The following TRAPPC8 variants were observed in gnomAD, a reference collection of about 807,000 sequenced individuals.
TRAPPC8 encodes trafficking protein particle complex subunit 8.
Under a neutral mutation model 174.3 loss-of-function variants are expected in TRAPPC8, and 54 were observed. The observed-to-expected ratio is 0.31, with a 90% CI of 0.25 to 0.39. The LOEUF (loss-of-function observed/expected upper bound fraction) is 0.39. Ranked by LOEUF, TRAPPC8 falls within the 10% of genes least tolerant of loss-of-function variation. The pLI is 1.00. For synonymous variants in TRAPPC8, 630 were observed against 579.9 expected (o/e 1.09, Z -1.24); for missense variants, 1,531 against 1,699.1 (o/e 0.90, Z 1.74).
chr18:31,916,280 A>C lies in TRAPPC8; in HGVS notation c.609T>G (p.Asp203Glu). The change falls in exon 4 of 29, where the codon GAT (aspartate) becomes GAG (glutamate). Residue 203 changes from aspartate to glutamate, a missense_variant. Asp to Glu is a conservative substitution (Grantham distance 45, BLOSUM62 2). Coordinates refer to ENST00000283351, the MANE Select transcript of TRAPPC8 (RefSeq NM_014939.5). ...CTAAAATAAAAACTTACCTCTGTTC[A>C]TCTCCTGCACTTACATCATGTAAAA... is the stretch of plus-strand genomic sequence containing the variant. ...YVLLHDVSAG[D>E]EQRAESIYEE... 1 of 1,517,516 alleles carries C rather than the reference A, an allele frequency of 6.6e-7. No homozygotes were observed. The highest frequency in any genetic ancestry group is 8.8e-7 in the Non-Finnish European group (1 of 1,135,536). The allele number at this position is 1,517,516 out of a possible 1,614,324, so 94.0% of individuals were successfully genotyped here.
In TRAPPC8 at chr18:31,903,121, C is replaced by CGTGTGT. The variant is rs3837889; in HGVS notation, c.1390-2102_1390-2097dup. Among the ~76,000 whole-genome samples, 587 of 149,094 alleles carry CGTGTGT rather than the reference C, an allele frequency of 3.9e-3. 18 individuals carry two copies. The East Asian group carries it at 0.074, about 19-fold the overall frequency. On this transcript the variant is annotated intron_variant, in intron 9 of 28. Coordinates refer to ENST00000283351, the MANE Select transcript of TRAPPC8 (RefSeq NM_014939.5). ...TTTTGATTGCGCGCGTGCGTGCGTG[C>CGTGTGT]GTGTGTGTGTGTGTGTGTGTGTTTT...
chr18:31,905,507 T>A (rs1598715049), intron 9 of TRAPPC8, among the ~76,000 whole-genome samples: 1 of 152,314 alleles, frequency 6.6e-6, no homozygotes, highest in African/African-American at 2.4e-5. Flanking sequence ...GGTTGGGAAC[T>A]CTTCTTGCTC....
At chr18:31,874,313 C>A (rs928647104) in intron 13 of TRAPPC8, 167 bp downstream of exon 13, 4 of 613,946 alleles carry the variant, frequency 6.5e-6, no homozygotes, top group Non-Finnish European at 5.6e-6. Flanking sequence ...GTGGAAGGGG[C>A]AATGTAACCA....
At chr18:31,846,248 G>C (rs2033394479) in intron 26 of TRAPPC8, among the ~76,000 whole-genome samples, 1 of 152,018 alleles carries the variant, frequency 6.6e-6, no homozygotes, top group Admixed American at 6.6e-5. Context: ...TCATTCTTCT[G>C]TCACCAACAC....
Position 31,846,800 on chromosome 18 carries a change from G to A in TRAPPC8, c.3753C>T (p.Asp1251=), listed in dbSNP as rs2033433567. The A allele has an allele frequency of 6.2e-7, 1 of 1,611,974 alleles. No homozygotes were observed. The highest frequency in any genetic ancestry group is 1.1e-5 in the South Asian group (1 of 90,902). The change falls in exon 26 of 29, where the codon GAC becomes GAT. Residue 1251 remains aspartate, a synonymous_variant. Coordinates refer to ENST00000283351, the MANE Select transcript of TRAPPC8 (RefSeq NM_014939.5). ...GACCTTCCAAAATAAGCTGTTTACTGTCTTCCACAACGTATGCCTAAAAAA... is the reference window on the plus strand; with the variant it reads ...GACCTTCCAAAATAAGCTGTTTACTATCTTCCACAACGTATGCCTAAAAAA... ...VILWKAYVVE[D]SKQLILEGQH...
chr18:31,933,510 C>A (rs901374578), intron 1 of TRAPPC8, among the ~76,000 whole-genome samples: 3 of 152,080 alleles, frequency 2.0e-5, no homozygotes, highest in African/African-American at 7.2e-5. Context: ...TATTGTTAGA[C>A]AGTAATTGCA....
chr18:31,830,338 T>C lies in TRAPPC8; in HGVS notation c.*417A>G, dbSNP rs1052644714. On this transcript the variant is annotated 3_prime_UTR_variant, in exon 29 of 29. Coordinates refer to ENST00000283351, the MANE Select transcript of TRAPPC8 (RefSeq NM_014939.5). ...AGGAAAATTTGTATTTAACACTCTA[T>C]AGAACTTCACAGTAAAGCTGGAATT... 4 of 164,324 alleles carry C rather than the reference T, an allele frequency of 2.4e-5. No homozygotes were observed. Among genetic ancestry groups the C allele is most frequent in the South Asian group, 3.4e-4 (2 of 5,924 alleles). The allele number at this position is 164,324 out of a possible 1,614,324, so 10.2% of individuals were successfully genotyped here. A position where few individuals can be genotyped will look rare whatever the true frequency, so the allele number is the denominator to read the frequency against.
Position 31,855,660 on chromosome 18 carries a change from A to G in TRAPPC8, c.3336T>C (p.Thr1112=). ...AAAATTCAGTTTTAAACCAACTTAC[A>G]GTATTGGTATTTTCCACATCCACAA... ...LVFVDVENTN[T]SEAGVKEFHI... Residue 1112 remains threonine, a splice_region_variant and synonymous_variant, in exon 21 of 29, where the codon ACT becomes ACC. Coordinates refer to ENST00000283351, the MANE Select transcript of TRAPPC8 (RefSeq NM_014939.5). 6.3e-7 allele frequency: 1 copy of G among 1,584,362 alleles called. No homozygotes were observed. The highest frequency in any genetic ancestry group is 1.7e-4 in the Middle Eastern group (1 of 5,924).
chr18:31,838,968 A>G (rs1297355338), intron 27 of TRAPPC8, among the ~76,000 whole-genome samples: 1 of 152,112 alleles, frequency 6.6e-6, no homozygotes, highest in Non-Finnish European at 1.5e-5. Flanking sequence ...ATTATTACTT[A>G]GATTGTTTCT....
intron 27 of TRAPPC8, among the ~76,000 whole-genome samples, chr18:31,834,222 T>C (rs978712296): frequency 2.6e-5 from 4 of 151,758 alleles, no homozygotes; most frequent in African/African-American, 9.7e-5. Context: ...CTATTCTGCC[T>C]CAGCCTCCCC....
At chr18:31,934,167 G>A (rs755035644) in intron 1 of TRAPPC8, among the ~76,000 whole-genome samples, 7 of 150,838 alleles carry the variant, frequency 4.6e-5, no homozygotes, top group Non-Finnish European at 1.0e-4. Flanking sequence ...CAGCCTGGGC[G>A]ACAGAGACTC....
intron 14 of TRAPPC8, among the ~76,000 whole-genome samples, chr18:31,871,895 C>T (rs909196101): frequency 1.9e-4 from 29 of 151,414 alleles, no homozygotes; most frequent in African/African-American, 6.6e-4. Flanking sequence ...CAAGGAGAAA[C>T]GTTGATTAAA....
At chr18:31,903,253 G>C (rs2036524084) in intron 9 of TRAPPC8, among the ~76,000 whole-genome samples, 1 of 152,082 alleles carries the variant, frequency 6.6e-6, no homozygotes, top group Admixed American at 6.6e-5. Context: ...AAAGAGCAGA[G>C]GCTACGACAA....
intron 25 of TRAPPC8, among the ~76,000 whole-genome samples, chr18:31,849,301 C>A (rs2033580669): frequency 6.6e-6 from 1 of 151,846 alleles, no homozygotes. Flanking sequence ...ATGCCCCGAA[C>A]AGTTTAATAC....
chr18:31,866,224 G>A (rs10853415), intron 18 of TRAPPC8, among the ~76,000 whole-genome samples: 94,035 of 151,894 alleles, frequency 0.62, 29,546 homozygotes, highest in South Asian at 0.76. Context: ...TTTTCAACTT[G>A]AACTCAAATA....
intron 9 of TRAPPC8, among the ~76,000 whole-genome samples, chr18:31,901,361 G>C (rs2036417855): frequency 6.6e-6 from 1 of 152,136 alleles, no homozygotes; most frequent in South Asian, 2.1e-4. Flanking sequence ...TTCAATTAAG[G>C]CCTTTAAAAC....
intron 12 of TRAPPC8, among the ~76,000 whole-genome samples, chr18:31,881,255 A>G (rs2035438172): frequency 6.6e-6 from 1 of 152,198 alleles, no homozygotes; most frequent in South Asian, 2.1e-4. Flanking sequence ...ACAAGGCTAT[A>G]GTAACCAAAA....
chr18:31,837,320 T>C (rs1452431151), intron 27 of TRAPPC8, among the ~76,000 whole-genome samples: 2 of 97,820 alleles, frequency 2.0e-5, no homozygotes, highest in Non-Finnish European at 4.5e-5. Flanking sequence ...GAGACGTTAC[T>C]ATGTAAAAAA....
At chr18:31,903,158 TG>T (rs1183603015) in intron 9 of TRAPPC8, among the ~76,000 whole-genome samples, 1 of 151,706 alleles carries the variant, frequency 6.6e-6, no homozygotes, top group Non-Finnish European at 1.5e-5. Flanking sequence ...CCTGTGACAC[TG>T]GAAGTGGCAA....
Sources: allele counts gnomAD v4.1 joint callset (sites outside exome capture counted in the v4.1 genomes callset), GRCh38; gene constraint gnomAD v4.1.1; transcripts MANE v1.5; gene names NCBI Gene and HGNC (gene_info 2026-07-23, HGNC 2026-07-21).